GPM6B: variants seen among roughly 807,000 people sequenced by gnomAD.
GPM6B encodes the protein glycoprotein M6B, also known as neuronal membrane glycoprotein M6-b.
In GPM6B, 4 loss-of-function variants were observed where a neutral mutation model predicts 27.2. The ratio of observed to expected loss-of-function variants is 0.15; its 90% confidence interval spans 0.07 to 0.34. The LOEUF (loss-of-function observed/expected upper bound fraction) is 0.34. Among genes scored for constraint, GPM6B ranks in the 10% least tolerant of loss-of-function variants. GPM6B has a pLI of 1.00. For missense variants in GPM6B, 183 were observed against 261.9 expected, an observed-to-expected ratio of 0.70 and a Z score of 2.08; for synonymous variants, 124 against 103.1, an observed-to-expected ratio of 1.20 and a Z score of -1.23.
upstream of GPM6B, among the ~76,000 whole-genome samples, chrX:13,821,643 C>G (rs184473228): frequency 6.9e-4 from 77 of 111,956 alleles, no homozygotes; most frequent in African/African-American, 2.2e-3. Flanking sequence ...GTTGCCTAGG[C>G]TGGAGTGCAA....
chrX:13,851,906 C>T (rs1282647096), intron 1 of GPM6B, among the ~76,000 whole-genome samples: 1 of 109,839 alleles, frequency 9.1e-6, no homozygotes, highest in Non-Finnish European at 1.9e-5. Context: ...TCCCCCTCCC[C>T]TGACCCCCCA....
At chrX:13,806,641 T>TTTTA (rs2049027072) in intron 2 of GPM6B, among the ~76,000 whole-genome samples, 1 of 112,256 alleles carries the variant, frequency 8.9e-6, no homozygotes, top group African/African-American at 3.2e-5. Context: ...AAGGAAAAGG[T>TTTTA]TTTATTAATC....
chrX:13,880,734 G>C, intron 1 of GPM6B, among the ~76,000 whole-genome samples: 2 of 106,689 alleles, frequency 1.9e-5, no homozygotes, highest in East Asian at 6.2e-4. Flanking sequence ...AACCTTTCGA[G>C]GCTCTTAGAA....
chrX:13,780,059 T>C (rs1289586244), intron 4 of GPM6B, 70 bp from the exon 5 acceptor site: 3 of 966,766 alleles, frequency 3.1e-6, no homozygotes, highest in Non-Finnish European at 2.8e-6. Flanking sequence ...AGTGGAAGGA[T>C]TGTGCATTTT....
At chrX:13,777,455 T>C (rs1011467082) in intron 5 of GPM6B, 30 bp from the exon 6 acceptor site, 5 of 990,304 alleles carry the variant, frequency 5.0e-6, no homozygotes, top group East Asian at 3.0e-5. Flanking sequence ...AGGATGTTAG[T>C]ACAAACTATA....
At chrX:13,794,199 T>TC (rs2048767013) in intron 2 of GPM6B, among the ~76,000 whole-genome samples, 1 of 107,918 alleles carries the variant, frequency 9.3e-6, no homozygotes, top group African/African-American at 3.5e-5. Flanking sequence ...TTTTTTTTTT[T>TC]TCCCAGATAC....
At chrX:13,797,993 T>A (rs1006693249) in intron 2 of GPM6B, among the ~76,000 whole-genome samples, 2 of 108,482 alleles carry the variant, frequency 1.8e-5, no homozygotes, top group African/African-American at 6.7e-5. Flanking sequence ...AGTGGGAGCA[T>A]AGGAAGGATG....
rs866325651 is a variant in GPM6B, at chrX:13,921,581, C to T, written c.-198+16746G>A. Among the ~76,000 whole-genome samples, 666 of 92,791 alleles carry T rather than the reference C, an allele frequency of 7.2e-3. 8 individuals carry two copies. Among genetic ancestry groups the T allele is most frequent in the African/African-American group, 0.021 (535 of 24,893 alleles). 80.6% of individuals were successfully genotyped at this position (92,791 alleles called of 115,157 possible). A position where few individuals can be genotyped will look rare whatever the true frequency, so the allele number is the denominator to read the frequency against. On this transcript the variant is annotated intron_variant, in intron 1 of 6. Coordinates refer to the GPM6B transcript ENST00000398361. ...TGCAACCACATTTATAACCCCCCCC[C>T]TTTTTTTTTTTTTAGACAGAGTCTT...
intron 1 of GPM6B, among the ~76,000 whole-genome samples, chrX:13,816,332 A>G (rs1030746524): frequency 2.7e-5 from 3 of 110,759 alleles, no homozygotes; most frequent in Admixed American, 1.9e-4. Flanking sequence ...CCAACTGTAA[A>G]TGATTATTAC....
rs2048557190 is a variant in GPM6B at position 13,783,580 on chromosome X, T to A, written c.369-59A>T. On this transcript the variant is annotated intron_variant, in intron 3 of 7. Coordinates refer to ENST00000316715, the MANE Select transcript of GPM6B (RefSeq NM_001001995.3). ...ATTCACTGCCTGGTAGTGACTACGT[T>A]TCTGGACGCTGGAGAGAGGACATGA... The A allele has an allele frequency of 9.3e-6, 9 of 964,655 alleles. No homozygotes were observed. In the East Asian group the frequency reaches 2.2e-4, roughly 23 times the overall value. The allele number at this position is 964,655 out of a possible 1,213,427, so 79.5% of individuals were successfully genotyped here.
intron 1 of GPM6B, among the ~76,000 whole-genome samples, chrX:13,812,287 T>C: frequency 9.0e-6 from 1 of 110,570 alleles, no homozygotes; most frequent in Non-Finnish European, 1.9e-5. Flanking sequence ...TCTCTTGACC[T>C]CTTGATCCGC....
chrX:13,930,506 C>T (rs1203286694), intron 1 of GPM6B, among the ~76,000 whole-genome samples: 10 of 110,707 alleles, frequency 9.0e-5, no homozygotes, highest in African/African-American at 1.3e-4. Context: ...CCCAGCTACT[C>T]GAGAGACTGA....
At chrX:13,880,468 G>A (rs777262788) in intron 1 of GPM6B, among the ~76,000 whole-genome samples, 285 of 110,200 alleles carry the variant, frequency 2.6e-3, no homozygotes, top group Middle Eastern at 4.6e-3. Flanking sequence ...CAGGTCAGGA[G>A]ATTGAGACCA....
rs1035299904 is a variant in GPM6B at position 13,772,141 on chromosome X, A to G, written c.*740T>C. On this transcript the variant is annotated 3_prime_UTR_variant, in exon 8 of 8. Coordinates refer to ENST00000316715, the MANE Select transcript of GPM6B (RefSeq NM_001001995.3). ...ATTAAGGCAAAGCTGACATTTCTCA[A>G]GAATAATGAAAATTGGATCAGTATT... The G allele has an allele frequency of 1.8e-5, 2 of 112,804 alleles. No individual in the cohort carries two copies. The highest frequency in any genetic ancestry group is 3.8e-5 in the Non-Finnish European group (2 of 53,271). 9.3% of individuals were successfully genotyped at this position (112,804 alleles called of 1,213,427 possible).
chrX:13,772,817 AG>A lies in GPM6B; in HGVS notation c.*63del. 9.3e-7 allele frequency: 1 copy of A among 1,080,458 alleles called. No individual in the cohort carries two copies. Among genetic ancestry groups the A allele is most frequent in the Non-Finnish European group, 1.3e-6 (1 of 784,251 alleles). The allele number at this position is 1,080,458 out of a possible 1,213,427, so 89.0% of individuals were successfully genotyped here. A position where few individuals can be genotyped will look rare whatever the true frequency, so the allele number is the denominator to read the frequency against. ...TTGGTGGGATACACATCTGTACTGC[AG>A]AGCAGCTGTCTGATGATTTGTCAGA... On this transcript the variant is annotated 3_prime_UTR_variant, in exon 8 of 8. Coordinates refer to ENST00000316715, the MANE Select transcript of GPM6B (RefSeq NM_001001995.3).
intron 5 of GPM6B, among the ~76,000 whole-genome samples, chrX:13,778,054 GT>G (rs34053837): frequency 0.21 from 19,531 of 93,320 alleles, 1,493 homozygotes; most frequent in Non-Finnish European, 0.25. Context: ...AAATTGGTTT[GT>G]TTTTTTTTTT....
At chrX:13,832,836 T>G (rs745540349) in intron 1 of GPM6B, among the ~76,000 whole-genome samples, 1 of 111,603 alleles carries the variant, frequency 9.0e-6, no homozygotes, top group Admixed American at 9.6e-5. Flanking sequence ...TCCTATTGGG[T>G]AGAAAGGGCA....
rs1569267334 is a variant in GPM6B at position 13,861,043 on chromosome X, C to CATACAT, written c.-197-75236_-197-75235insATGTAT. ...ACACACACACACACACACACACACA[C>CATACAT]ATATATACATATATATACACATACA... On this transcript the variant is annotated intron_variant, in intron 1 of 6. Coordinates refer to the GPM6B transcript ENST00000398361. 6.0e-5 allele frequency among the ~76,000 whole-genome samples: 3 copies of CATACAT among 49,657 alleles called. No homozygotes were observed. The East Asian group carries it at 3.5e-3, about 58-fold the overall frequency. 43.1% of individuals were successfully genotyped at this position (49,657 alleles called of 115,157 possible). A position where few individuals can be genotyped will look rare whatever the true frequency, so the allele number is the denominator to read the frequency against.
intron 1 of GPM6B, among the ~76,000 whole-genome samples, chrX:13,824,211 C>A (rs374189218): frequency 1.8e-5 from 2 of 112,042 alleles, no homozygotes; most frequent in East Asian, 5.6e-4. Flanking sequence ...TAAAATGTTT[C>A]TAAACACTGC....
Sources: allele counts gnomAD v4.1 joint callset (sites outside exome capture counted in the v4.1 genomes callset), GRCh38; gene constraint gnomAD v4.1.1; transcripts MANE v1.5; gene names NCBI Gene and HGNC (gene_info 2026-07-23, HGNC 2026-07-21).